The following NWD1 variants were observed in gnomAD, a reference collection of about 807,000 sequenced individuals.
NWD1 encodes NACHT domain- and WD repeat-containing protein 1.
Under a neutral mutation model 135.1 loss-of-function variants are expected in NWD1, and 129 were observed. The observed-to-expected ratio is 0.96, with a 90% confidence interval of 0.83 to 1.11. The LOEUF (loss-of-function observed/expected upper bound fraction) is 1.11. Ranked by LOEUF, NWD1 falls within the 50% of genes least tolerant of loss-of-function variation. The pLI, the probability that NWD1 is intolerant of heterozygous loss-of-function variation, is 0.00. For missense variants in NWD1, 1,740 were observed against 1,851.3 expected, an observed-to-expected ratio of 0.94 and a Z score of 1.10; for synonymous variants, 773 against 786.0, an observed-to-expected ratio of 0.98 and a Z score of 0.28.
At chr19:16,750,996 C>T (rs1372080407) in intron 6 of NWD1, among the ~76,000 whole-genome samples, 2 of 150,576 alleles carry the variant, frequency 1.3e-5, no homozygotes, top group African/African-American at 4.9e-5. Flanking sequence ...CCGAGGCGGG[C>T]GGATCACCCA....
Position 16,816,600 on chromosome 19 carries a change from C to G in NWD1, c.*1561C>G, listed in dbSNP as rs193151590. 1 of 152,234 alleles carries G rather than the reference C, an allele frequency of 6.6e-6. No homozygotes were observed. The highest frequency in any genetic ancestry group is 2.4e-5 in the African/African-American group (1 of 41,450). 9.4% of individuals were successfully genotyped at this position (152,234 alleles called of 1,614,324 possible). A position where few individuals can be genotyped will look rare whatever the true frequency, so the allele number is the denominator to read the frequency against. On this transcript the variant is annotated 3_prime_UTR_variant, in exon 19 of 19. Coordinates refer to ENST00000524140, the MANE Select transcript of NWD1 (RefSeq NM_001007525.5). ...CAACAGTCAAACTGTTTTCATTCCA[C>G]TTAAGTGGATCTTTCTTCTTTGCCC...
At chr19:16,787,336 T>C (rs996579503) in intron 12 of NWD1, among the ~76,000 whole-genome samples, 5 of 152,136 alleles carry the variant, frequency 3.3e-5, no homozygotes, top group African/African-American at 1.2e-4. Context: ...AGAAATCCTA[T>C]AATTTTTCTA....
intron 8 of NWD1, 135 bp from the exon 9 acceptor site, chr19:16,763,693 G>C (rs1407774598): frequency 4.3e-5 from 28 of 655,232 alleles, no homozygotes; most frequent in Non-Finnish European, 7.3e-5. Flanking sequence ...ATGGGCACAT[G>C]GGGGTATGTC....
chr19:16,807,649 G>A lies in NWD1; in HGVS notation c.3800G>A (p.Arg1267His), dbSNP rs148020552. 5.9e-5 allele frequency: 94 copies of A among 1,589,382 alleles called. No individual in the cohort carries two copies. In the African/African-American group the frequency reaches 8.5e-4, roughly 14 times the overall value. ...EIRCLEVAEQ[R>H]KLLFTGLVSG... ...AGGTGTCTGGAGGTTGCTGAGCAGC[G>A]CAAGCTCCTATTTACGGGCCTCGTG... Residue 1267 changes from arginine (R) to histidine (H), a missense_variant, in exon 18 of 19, where the codon CGC becomes CAC. Arg to His is a conservative substitution (Grantham distance 29, BLOSUM62 0). Transcript: ENST00000524140.
At chr19:16,782,756 A>C (rs1413324210) in intron 12 of NWD1, among the ~76,000 whole-genome samples, 1 of 152,028 alleles carries the variant, frequency 6.6e-6, no homozygotes, top group Admixed American at 6.6e-5. Context: ...AGCTACAAGG[A>C]GGAGGATGCC....
At position 16,762,075 on chromosome 19, in the gene NWD1, C is replaced by T; in HGVS notation, c.2070C>T (p.Ser690=). 2 of 1,614,070 alleles carry T rather than the reference C, an allele frequency of 1.2e-6. No individual in the cohort carries two copies. The highest frequency in any genetic ancestry group is 1.7e-6 in the Non-Finnish European group (2 of 1,179,994). Reference sequence around the variant, plus strand: ...CCGACTTCTTCTCAGGGACCTGGAGCCAGGGTACCAAGAAGCTCATCACTC... The same window carrying T: ...CCGACTTCTTCTCAGGGACCTGGAGTCAGGGTACCAAGAAGCTCATCACTC... ...VLADFFSGTW[S]QGTKKLITLP... Residue 690 remains serine (S), a synonymous_variant, in exon 8 of 19, where the codon AGC becomes AGT. Coordinates refer to ENST00000524140, the MANE Select transcript of NWD1 (RefSeq NM_001007525.5).
chr19:16,728,662 A>T (rs1030715086), intron 2 of NWD1, among the ~76,000 whole-genome samples: 8 of 151,038 alleles, frequency 5.3e-5, no homozygotes, highest in African/African-American at 1.9e-4. Context: ...AAGTAATTGC[A>T]GGCCGGGTGC....
chr19:16,763,989 C>A (rs375269352), intron 9 of NWD1, 44 bp downstream of exon 9: 5 of 1,142,270 alleles, frequency 4.4e-6, no homozygotes, highest in Non-Finnish European at 6.7e-6. Flanking sequence ...CTGGTGACTG[C>A]ACCACGCTCC....
chr19:16,737,964 C>CAAAAGAAAAGAAAAGAAAA lies in NWD1; in HGVS notation c.198+1214_198+1215insAAAAGAAAAGAAAAGAAAA, dbSNP rs147713373. ...TGGGCGACAGAGCAAGACTCTATCT[C>CAAAAGAAAAGAAAAGAAAA]GAAAAGAAAAGAAAAGAAAAGAAAA... On this transcript the variant is annotated intron_variant, in intron 4 of 18. Coordinates refer to ENST00000524140, the MANE Select transcript of NWD1 (RefSeq NM_001007525.5). Among the ~76,000 whole-genome samples the CAAAAGAAAAGAAAAGAAAA allele has an allele frequency of 3.0e-4, 37 of 124,594 alleles. 5 individuals carry two copies. The highest frequency in any genetic ancestry group is 4.1e-3 in the Middle Eastern group (1 of 244). The allele number at this position is 124,594 out of a possible 152,430, so 81.7% of individuals were successfully genotyped here.
intron 6 of NWD1, among the ~76,000 whole-genome samples, chr19:16,751,645 A>T (rs1968583483): frequency 1.3e-5 from 2 of 151,778 alleles, no homozygotes; most frequent in African/African-American, 4.8e-5. Flanking sequence ...AACTAAGAAT[A>T]CAAAAATTAG....
intron 7 of NWD1, among the ~76,000 whole-genome samples, chr19:16,760,211 A>C (rs1342193830): frequency 6.9e-6 from 1 of 145,344 alleles, no homozygotes; most frequent in Non-Finnish European, 1.5e-5. Flanking sequence ...GGTGAAGTTC[A>C]TGAAACATAA....
intron 7 of NWD1, among the ~76,000 whole-genome samples, chr19:16,760,772 G>A (rs1359745240): frequency 6.6e-6 from 1 of 151,578 alleles, no homozygotes; most frequent in Admixed American, 6.6e-5. Context: ...TGTATTTTTA[G>A]TAGAGACGGG....
intron 18 of NWD1, chr19:16,812,679 C>CAAAA: frequency 1.3e-6 from 1 of 772,302 alleles, no homozygotes; most frequent in South Asian, 1.4e-5. Context: ...CAAAAACAAA[C>CAAAA]AAACAAACAA....
intron 18 of NWD1, among the ~76,000 whole-genome samples, chr19:16,809,195 C>T (rs112791293): frequency 0.13 from 19,220 of 151,310 alleles, 2,085 homozygotes; most frequent in African/African-American, 0.29. Flanking sequence ...GCAACTCTCC[C>T]GCCTCGGCCT....
chr19:16,805,369 T>C (rs1676149701), intron 17 of NWD1, among the ~76,000 whole-genome samples: 1 of 151,920 alleles, frequency 6.6e-6, no homozygotes, highest in African/African-American at 2.4e-5. Context: ...AAATTTTGTG[T>C]GTTTTGTAGA....
At chr19:16,778,445 C>G (rs1316939573) in intron 11 of NWD1, among the ~76,000 whole-genome samples, 3 of 151,428 alleles carry the variant, frequency 2.0e-5, no homozygotes, top group Non-Finnish European at 4.4e-5. Flanking sequence ...TCATTCTCAG[C>G]CAATATAATT....
chr19:16,757,912 CGTG>C (rs1968858053), intron 6 of NWD1, among the ~76,000 whole-genome samples: 1 of 151,980 alleles, frequency 6.6e-6, no homozygotes, highest in Non-Finnish European at 1.5e-5. Context: ...ATTAGCCGGG[CGTG>C]GTGGTGCACA....
chr19:16,735,866 G>GAGGAAGGA (rs372042757), intron 3 of NWD1, among the ~76,000 whole-genome samples: 2 of 28,616 alleles, frequency 7.0e-5, no homozygotes, highest in African/African-American at 1.1e-4. Context: ...AGGAAGGAAG[G>GAGGAAGGA]AGGAAGGAAG....
chr19:16,749,488 T>A lies in NWD1; in HGVS notation c.846T>A (p.Arg282=). 1 of 1,611,072 alleles carries A rather than the reference T, an allele frequency of 6.2e-7. No homozygotes were observed. The highest frequency in any genetic ancestry group is 8.5e-7 in the Non-Finnish European group (1 of 1,177,470). ...RANHQVLTRL[R]ELDTAGQELA... is the part of the protein sequence containing the mutation. ...ATCACCAGGTCCTCACACGCCTCCG[T>A]GAGCTGGATACGGCCGGACAGGAGT... The change falls in exon 6 of 19, where the codon CGT becomes CGA. Residue 282 remains arginine (R), a synonymous_variant. Coordinates refer to ENST00000524140, the MANE Select transcript of NWD1 (RefSeq NM_001007525.5).
Sources: gnomAD v4.1 joint callset for allele counts (sites outside exome capture counted in the v4.1 genomes callset) on GRCh38, gnomAD v4.1.1 for gene constraint, MANE v1.5 for transcripts, NCBI Gene and HGNC (gene_info 2026-07-23, HGNC 2026-07-21) for gene names.